The following CPZ variants were observed in gnomAD, a reference collection of about 807,000 sequenced individuals.
CPZ encodes VEZT/CPZ fusion.
A neutral mutation model predicts 61.8 loss-of-function variants in CPZ; 103 were observed. The ratio of observed to expected loss-of-function variants is 1.67; its 90% CI spans 1.42 to 1.96. The LOEUF (loss-of-function observed/expected upper bound fraction) is 1.96, where lower values mean the gene tolerates loss of function less well. CPZ is among the 30% of genes most tolerant of loss of function. The pLI is 0.00. For missense variants in CPZ, 1,461 were observed against 914.9 expected, an observed-to-expected ratio of 1.60 and a Z score of -7.70; for synonymous variants, 551 against 373.7, an observed-to-expected ratio of 1.47 and a Z score of -5.47.
chr4:8,596,462 G>A (rs1480024166), intron 1 of CPZ, among the ~76,000 whole-genome samples: 1 of 152,266 alleles, frequency 6.6e-6, no homozygotes, highest in Non-Finnish European at 1.5e-5. Context: ...GGGTGACCCA[G>A]CCAGCAGACA....
chr4:8,604,279 TG>T, intron 4 of CPZ, 91 bp downstream of exon 4: 8 of 1,283,942 alleles, frequency 6.2e-6, no homozygotes, highest in Non-Finnish European at 8.4e-6. Context: ...GTGGGGTGTT[TG>T]GGGTCCTGGG....
intron 1 of CPZ, among the ~76,000 whole-genome samples, chr4:8,598,509 C>T (rs1330641417): frequency 1.3e-5 from 2 of 152,244 alleles, no homozygotes; most frequent in East Asian, 1.9e-4. Flanking sequence ...GCCCCCTTCT[C>T]CCTGGCCCCC....
rs760971351 is a variant in CPZ, at chr4:8,612,072, A to G, written c.1273A>G (p.Met425Val). 3 of 1,612,980 alleles carry G rather than the reference A, an allele frequency of 1.9e-6. No homozygotes were observed. The East Asian group carries it at 6.7e-5, about 36-fold the overall frequency. ...SRAYADVHPM[M>V]MDRSENRCGG... ...AGCCTACGCTGACGTCCACCCCATG[A>G]TGATGGACAGGTCGGAGAATAGGTG... is the stretch of plus-strand genomic sequence containing the variant. Residue 425 changes from methionine (M) to valine (V), a missense_variant, in exon 8 of 11, where the codon ATG becomes GTG. By Grantham distance (21) the Met-to-Val change is conservative. Coordinates refer to ENST00000360986, the MANE Select transcript of CPZ (RefSeq NM_001014447.3).
chr4:8,613,663 G>A (rs1577126271), intron 8 of CPZ, among the ~76,000 whole-genome samples: 1 of 152,208 alleles, frequency 6.6e-6, no homozygotes, highest in Non-Finnish European at 1.5e-5. Flanking sequence ...CCTTGGAGAT[G>A]GTCATGGCTT....
At chr4:8,612,197 T>TGGGGGGGGGGGGGG in intron 8 of CPZ, 35 bp downstream of exon 8, 2 of 99,474 alleles carry the variant, frequency 2.0e-5, no homozygotes, top group Non-Finnish European at 3.2e-5. Context: ...GGGCGGGGGG[T>TGGGGGGGGGGGGGG]GGGGGGTGCA....
At chr4:8,601,924 G>GC (rs1271464518) in intron 3 of CPZ, 1 of 161,624 alleles carries the variant, frequency 6.2e-6, no homozygotes, top group Non-Finnish European at 1.3e-5. Context: ...GTCAAGGGGG[G>GC]GCGGGGCATT....
intron 4 of CPZ, among the ~76,000 whole-genome samples, chr4:8,605,316 A>G (rs1714856170): frequency 8.7e-6 from 1 of 114,438 alleles, no homozygotes; most frequent in Admixed American, 8.1e-5. Context: ...TAGTCCATTC[A>G]TTTATTCATC....
chr4:8,616,634 G>C (rs1465698565), intron 9 of CPZ, among the ~76,000 whole-genome samples: 6 of 152,176 alleles, frequency 3.9e-5, no homozygotes, highest in Non-Finnish European at 1.5e-5. Flanking sequence ...GGCTGGTGAG[G>C]GTATTCTTAG....
At chr4:8,608,327 T>C (rs559148952) in intron 7 of CPZ, among the ~76,000 whole-genome samples, 166 of 152,180 alleles carry the variant, frequency 1.1e-3, no homozygotes, top group Middle Eastern at 0.01. Context: ...TTTCCCTTGG[T>C]GTTTGGGGGA....
intron 7 of CPZ, among the ~76,000 whole-genome samples, chr4:8,608,413 T>A (rs1715237195): frequency 6.6e-6 from 1 of 152,132 alleles, no homozygotes; most frequent in South Asian, 2.1e-4. Context: ...CAGTCACACA[T>A]CGTTTGTTCT....
chr4:8,616,296 G>A (rs898379389), intron 9 of CPZ, among the ~76,000 whole-genome samples: 3 of 152,116 alleles, frequency 2.0e-5, no homozygotes, highest in Admixed American at 6.5e-5. Flanking sequence ...GAGGGGCGGC[G>A]TGGCAGCTCT....
At chr4:8,619,234 G>C in intron 10 of CPZ, 28 bp from the exon 11 acceptor site, 1 of 1,571,612 alleles carries the variant, frequency 6.4e-7, no homozygotes, top group Non-Finnish European at 8.6e-7. Context: ...GTCCTCGTGA[G>C]AATCATTTTT....
intron 3 of CPZ, chr4:8,603,160 G>T (rs955305803): frequency 6.6e-6 from 1 of 152,250 alleles, no homozygotes; most frequent in African/African-American, 2.4e-5. Flanking sequence ...GAAGCTTAGA[G>T]GAGCACATTA....
chr4:8,611,556 G>A (rs1715683464), intron 7 of CPZ, among the ~76,000 whole-genome samples: 2 of 152,198 alleles, frequency 1.3e-5, no homozygotes, highest in African/African-American at 2.4e-5. Flanking sequence ...GCCTGGAGGT[G>A]GAGTGGGGTG....
At position 8,604,147 on chromosome 4, in the gene CPZ, T is replaced by C. The variant is rs769297084; in HGVS notation, c.668T>C (p.Leu223Pro). Residue 223 changes from leucine (L) to proline (P), a missense_variant, in exon 4 of 11, where the codon CTG (leucine) becomes CCG (proline). Transcript: ENST00000360986. ...IGRSFDGREL[L>P]VIEFSSRPGQ... ...CGCAGCTTCGACGGCAGGGAGCTGC[T>C]GGTCATCGAGTTCTCCAGCCGCCCC... 6.3e-7 allele frequency: 1 copy of C among 1,585,844 alleles called. No homozygotes were observed. The highest frequency in any genetic ancestry group is 8.6e-7 in the Non-Finnish European group (1 of 1,165,812).
At chr4:8,599,103 G>A (rs912648152) in intron 1 of CPZ, among the ~76,000 whole-genome samples, 7 of 152,244 alleles carry the variant, frequency 4.6e-5, no homozygotes, top group African/African-American at 1.7e-4. Flanking sequence ...AGGTACTTGT[G>A]CCCCAGCACT....
chr4:8,605,480 A>G (rs1714889158), intron 4 of CPZ, among the ~76,000 whole-genome samples: 1 of 152,022 alleles, frequency 6.6e-6, no homozygotes, highest in Non-Finnish European at 1.5e-5. Context: ...TCATGCATCA[A>G]TTTATCCATT....
intron 10 of CPZ, 146 bp downstream of exon 10, chr4:8,618,674 G>C: frequency 1.4e-6 from 1 of 728,352 alleles, no homozygotes; most frequent in Non-Finnish European, 2.3e-6. Flanking sequence ...GGTCGGGGAG[G>C]GTGGGCAGGA....
intron 9 of CPZ, chr4:8,618,227 T>G: frequency 3.4e-6 from 2 of 591,060 alleles, no homozygotes; most frequent in Non-Finnish European, 6.0e-6. Context: ...TCGGGTCAAT[T>G]GCCAGGGAGG....
Sources: gnomAD v4.1 joint callset for allele counts (sites outside exome capture counted in the v4.1 genomes callset) on GRCh38, gnomAD v4.1.1 for gene constraint, MANE v1.5 for transcripts, NCBI Gene and HGNC (gene_info 2026-07-23, HGNC 2026-07-21) for gene names.